MGAT4C: variants seen among roughly 807,000 people sequenced by gnomAD.
MGAT4C encodes the protein alpha-1,3-mannosyl-glycoprotein 4-beta-N-acetylglucosaminyltransferase C.
MGAT4C carries 19 observed loss-of-function variants against 40.1 expected under a neutral mutation model. That is an observed-to-expected ratio of 0.47 (90% CI 0.33 to 0.70). MGAT4C has a LOEUF of 0.70. MGAT4C is among the 30% of genes least tolerant of loss of function. The probability of loss-of-function intolerance (pLI) is 0.02; values close to 1 mark genes in which losing one functional copy is unlikely to be tolerated. For synonymous variants in MGAT4C, 181 were observed against 187.1 expected (o/e 0.97, Z 0.27); for missense variants, 491 against 563.2 (o/e 0.87, Z 1.30).
chr12:86,769,565 C>A (rs184778386), intron 1 of MGAT4C, among the ~76,000 whole-genome samples: 135 of 152,240 alleles, frequency 8.9e-4, no homozygotes, highest in African/African-American at 3.0e-3. Flanking sequence ...CATATGCACA[C>A]GTATGTTTAT....
At chr12:86,029,930 A>G (rs1890589502) in intron 2 of MGAT4C, among the ~76,000 whole-genome samples, 1 of 151,854 alleles carries the variant, frequency 6.6e-6, no homozygotes, top group Admixed American at 6.6e-5. Context: ...CAGTTATTTA[A>G]TAATAAACAT....
intron 1 of MGAT4C, among the ~76,000 whole-genome samples, chr12:86,061,484 T>C (rs1893963594): frequency 1.3e-5 from 2 of 151,908 alleles, no homozygotes; most frequent in South Asian, 4.2e-4. Flanking sequence ...GTTTTTTTTT[T>C]TCCATGCCCC....
At chr12:86,263,565 T>C (rs2465146) in intron 4 of MGAT4C, among the ~76,000 whole-genome samples, 112,756 of 152,038 alleles carry the variant, frequency 0.74, 42,115 homozygotes, top group East Asian at 0.95. Flanking sequence ...TTTTCTTTAT[T>C]CAATCATCTA....
rs541248779 is a variant in MGAT4C, at chr12:86,777,858, G to T, written c.-261-50617C>A. 5.3e-5 allele frequency among the ~76,000 whole-genome samples: 8 copies of T among 152,144 alleles called. No homozygotes were observed. In the South Asian group the frequency reaches 1.7e-3, roughly 32 times the overall value. On this transcript the variant is annotated intron_variant, in intron 1 of 7. Transcript: ENST00000548651. The stretch of plus-strand genomic sequence containing the variant: ...AACTTAGGAAAAAGTAGCTGTGCAG[G>T]GATGTCCATCTCCTATATATACGCA...
At chr12:86,020,386 A>C (rs999605084) in intron 2 of MGAT4C, among the ~76,000 whole-genome samples, 10 of 152,258 alleles carry the variant, frequency 6.6e-5, no homozygotes, top group Middle Eastern at 3.4e-3. Flanking sequence ...ACCAAAACAG[A>C]GATATAGACC....
chr12:86,269,416 A>G (rs1012077165), intron 4 of MGAT4C, among the ~76,000 whole-genome samples: 3 of 151,752 alleles, frequency 2.0e-5, no homozygotes, highest in Non-Finnish European at 4.4e-5. Context: ...TAATTCTATT[A>G]ACATTTCTTG....
chr12:86,591,339 GTTACTA>G (rs1397381557), intron 2 of MGAT4C, among the ~76,000 whole-genome samples: 1 of 151,874 alleles, frequency 6.6e-6, no homozygotes, highest in Non-Finnish European at 1.5e-5. Flanking sequence ...AGATTTTAAT[GTTACTA>G]TTTAGAGGAT....
chr12:86,546,690 A>AT (rs1216566677), intron 2 of MGAT4C, among the ~76,000 whole-genome samples: 1 of 152,008 alleles, frequency 6.6e-6, no homozygotes, highest in Non-Finnish European at 1.5e-5. Context: ...TAAAAATTGT[A>AT]TTTTTTTCTA....
intron 3 of MGAT4C, among the ~76,000 whole-genome samples, chr12:86,341,814 A>G (rs1954911842): frequency 6.6e-6 from 1 of 152,180 alleles, no homozygotes; most frequent in Admixed American, 6.5e-5. Flanking sequence ...CAAGGCCTTC[A>G]GCCACACCCA....
intron 1 of MGAT4C, among the ~76,000 whole-genome samples, chr12:86,181,030 G>C (rs184731779): frequency 6.6e-6 from 1 of 152,088 alleles, no homozygotes; most frequent in Non-Finnish European, 1.5e-5. Context: ...GGGACCCAGG[G>C]GGAGGTAATT....
chr12:86,135,740 T>C (rs1881853331), intron 1 of MGAT4C, among the ~76,000 whole-genome samples: 1 of 152,218 alleles, frequency 6.6e-6, no homozygotes, highest in Non-Finnish European at 1.5e-5. Flanking sequence ...GTCAGCATCA[T>C]CTTTGATTTA....
chr12:85,960,415 G>C lies in MGAT4C; in HGVS notation c.*18874C>G, dbSNP rs191507350. ...ACTGTGTCGTCATTGGTAGAATAAG[G>C]ATAACAATACTTATCACACAGATTT... On this transcript the variant is annotated 3_prime_UTR_variant, in exon 5 of 5. Transcript: ENST00000611864. 7.9e-5 allele frequency: 12 copies of C among 152,096 alleles called. No individual in the cohort carries two copies. The East Asian group carries it at 2.1e-3, about 27-fold the overall frequency. The allele number at this position is 152,096 out of a possible 1,614,324, so 9.4% of individuals were successfully genotyped here.
intron 2 of MGAT4C, among the ~76,000 whole-genome samples, chr12:86,468,039 T>C (rs1957706582): frequency 6.6e-6 from 1 of 152,138 alleles, no homozygotes; most frequent in African/African-American, 2.4e-5. Flanking sequence ...ACTTCTATTT[T>C]CTAGCTATAC....
intron 1 of MGAT4C, among the ~76,000 whole-genome samples, chr12:86,124,756 A>C (rs1365788678): frequency 6.6e-6 from 1 of 152,148 alleles, no homozygotes; most frequent in Non-Finnish European, 1.5e-5. Flanking sequence ...TCTACCTGGC[A>C]CAGAGACAGG....
rs1176636066 is a variant in MGAT4C, at chr12:86,629,561, C to T, written c.-229+97648G>A. On this transcript the variant is annotated intron_variant, in intron 2 of 7. Coordinates refer to the MGAT4C transcript ENST00000548651. Reference sequence around the variant, plus strand: ...AAATCACAACAAACTGTCTCTCAGACCACAGTGCAATCAACTTACAACTCA... The same window carrying T: ...AAATCACAACAAACTGTCTCTCAGATCACAGTGCAATCAACTTACAACTCA... 7.2e-5 allele frequency among the ~76,000 whole-genome samples: 11 copies of T among 152,272 alleles called. No homozygotes were observed. The East Asian group carries it at 1.7e-3, about 24-fold the overall frequency.
chr12:86,537,168 C>T (rs1011326750), intron 2 of MGAT4C, among the ~76,000 whole-genome samples: 1 of 150,028 alleles, frequency 6.7e-6, no homozygotes, highest in Admixed American at 6.7e-5. Flanking sequence ...GGGAATTGAA[C>T]AATGAGAACA....
intron 1 of MGAT4C, among the ~76,000 whole-genome samples, chr12:86,776,538 A>C (rs887269430): frequency 3.3e-5 from 5 of 152,072 alleles, no homozygotes; most frequent in African/African-American, 1.2e-4. Context: ...GAGAGGATGA[A>C]TACCCTACTT....
At chr12:86,443,722 T>G (rs1396272326) in intron 2 of MGAT4C, among the ~76,000 whole-genome samples, 1 of 152,032 alleles carries the variant, frequency 6.6e-6, no homozygotes, top group African/African-American at 2.4e-5. Context: ...GCCTCCCGAG[T>G]AGCTGGGACT....
chr12:86,371,424 G>A (rs544654752), intron 3 of MGAT4C, among the ~76,000 whole-genome samples: 1 of 151,864 alleles, frequency 6.6e-6, no homozygotes, highest in African/African-American at 2.4e-5. Flanking sequence ...TGATTCCCTT[G>A]ATAAAAAAAT....
Sources: allele counts gnomAD v4.1 joint callset (sites outside exome capture counted in the v4.1 genomes callset), GRCh38; gene constraint gnomAD v4.1.1; transcripts MANE v1.5; gene names NCBI Gene and HGNC (gene_info 2026-07-23, HGNC 2026-07-21).